Variants in XRRA1 observed in about 807,000 individuals in gnomAD.
The protein encoded by XRRA1 is X-ray radiation resistance associated 1.
In XRRA1, 69 loss-of-function variants were observed where a neutral mutation model predicts 80.2. The ratio of observed to expected loss-of-function variants is 0.86; its 90% CI spans 0.71 to 1.05. XRRA1 has a LOEUF of 1.05. XRRA1 is among the 50% of genes least tolerant of loss of function. XRRA1 has a pLI of 0.00. For missense variants in XRRA1, 967 were observed against 976.4 expected (o/e 0.99, Z 0.13); for synonymous variants, 348 against 389.9 (o/e 0.89, Z 1.27).
At chr11:74,918,694 G>A (rs1939649241) in intron 8 of XRRA1, 1 of 152,200 alleles carries the variant, frequency 6.6e-6, no homozygotes. Flanking sequence ...TAGGGGGCTG[G>A]AGCCATCTCC....
At chr11:74,923,441 T>C (rs1941423924) in intron 7 of XRRA1, among the ~76,000 whole-genome samples, 1 of 152,204 alleles carries the variant, frequency 6.6e-6, no homozygotes, top group South Asian at 2.1e-4. Context: ...GAAAGGTGCC[T>C]GAGATAAGCA....
At chr11:74,911,232 A>T (rs2055819860) in intron 8 of XRRA1, 1 of 152,124 alleles carries the variant, frequency 6.6e-6, no homozygotes, top group African/African-American at 2.4e-5. Context: ...ATTGGTCTGG[A>T]GCCCCACAGC....
At chr11:74,906,632 GATA>G (rs1759708761) in intron 9 of XRRA1, among the ~76,000 whole-genome samples, 176 bp from the exon 10 acceptor site, 1 of 152,124 alleles carries the variant, frequency 6.6e-6, no homozygotes. Context: ...CTAAAATGGG[GATA>G]ATATTTATTA....
Position 74,851,267 on chromosome 11 carries a change from G to T in XRRA1, c.1265-64C>A, listed in dbSNP as rs370996915. On this transcript the variant is annotated intron_variant, in intron 13 of 18. Transcript: ENST00000684022. ...AAATTTATACTGGGGCTTACTATGT[G>T]CCAGGCACTATTCAAATTGCTTTAC... is the stretch of plus-strand genomic sequence containing the variant. The T allele has an allele frequency of 7.2e-6, 9 of 1,243,032 alleles. No individual in the cohort carries two copies. In the African/African-American group the frequency reaches 1.1e-4, roughly 15 times the overall value. The allele number at this position is 1,243,032 out of a possible 1,614,324, so 77.0% of individuals were successfully genotyped here.
At chr11:74,901,072 A>G (rs2053493241) in intron 10 of XRRA1, among the ~76,000 whole-genome samples, 1 of 152,224 alleles carries the variant, frequency 6.6e-6, no homozygotes, top group East Asian at 1.9e-4. Flanking sequence ...CCACCAAAAA[A>G]TGATTAGAAC....
At chr11:74,870,510 T>C (rs1246368765) in intron 10 of XRRA1, among the ~76,000 whole-genome samples, 1 of 152,224 alleles carries the variant, frequency 6.6e-6, no homozygotes, top group Non-Finnish European at 1.5e-5. Context: ...GAAATAATCC[T>C]GTTAGATAGC....
At chr11:74,904,326 G>A (rs1320014079) in intron 10 of XRRA1, among the ~76,000 whole-genome samples, 6 of 152,120 alleles carry the variant, frequency 3.9e-5, no homozygotes, top group Admixed American at 2.0e-4. Context: ...TAGGGTAATA[G>A]CCAGGTGCAG....
At chr11:74,865,773 A>G (rs1591744985) in intron 10 of XRRA1, among the ~76,000 whole-genome samples, 2 of 152,188 alleles carry the variant, frequency 1.3e-5, no homozygotes, top group Non-Finnish European at 2.9e-5. Context: ...GGAGGAACAC[A>G]TATCTGGGCC....
In XRRA1 at chr11:74,841,901, T is replaced by C. The variant is rs1485386423; in HGVS notation, c.*1299A>G. 3.3e-5 allele frequency: 5 copies of C among 152,198 alleles called. No individual in the cohort carries two copies. The highest frequency in any genetic ancestry group is 9.7e-5 in the African/African-American group (4 of 41,436). The allele number at this position is 152,198 out of a possible 1,614,324, so 9.4% of individuals were successfully genotyped here. ...TGAGAGCATTGGGTTCAAGTTTGCA[T>C]CAAACATGGTATTACCAACGCTGAG... On this transcript the variant is annotated 3_prime_UTR_variant, in exon 19 of 19. Transcript: ENST00000684022.
rs781365922 is a variant in XRRA1, at chr11:74,845,179, C to T, written c.1821G>A (p.Val607=). ...TTGGGAGTTTCCTCCGAGTCCCTTTCACCTCTCTGGGTGCCGTTGGTGGTT... is the reference window on the plus strand; with the variant it reads ...TTGGGAGTTTCCTCCGAGTCCCTTTTACCTCTCTGGGTGCCGTTGGTGGTT... The part of the protein sequence containing the change: ...QKKPPTAPRE[V]KGTRRKLPTA... Residue 607 remains valine, a synonymous_variant, in exon 16 of 19, where the codon GTG becomes GTA. Coordinates refer to ENST00000684022, the MANE Select transcript of XRRA1 (RefSeq NM_001378157.1). The T allele has an allele frequency of 1.2e-6, 2 of 1,613,976 alleles. No individual in the cohort carries two copies. Among genetic ancestry groups the T allele is most frequent in the East Asian group, 2.2e-5 (1 of 44,896 alleles).
chr11:74,910,302 T>C (rs1229501060), intron 8 of XRRA1, among the ~76,000 whole-genome samples: 2 of 152,150 alleles, frequency 1.3e-5, no homozygotes, highest in Non-Finnish European at 2.9e-5. Flanking sequence ...ATTTGGAATA[T>C]AGTGACTAAA....
chr11:74,872,443 G>A (rs978877936), intron 10 of XRRA1, among the ~76,000 whole-genome samples: 26 of 152,250 alleles, frequency 1.7e-4, no homozygotes, highest in Admixed American at 3.9e-4. Flanking sequence ...ACCAGAAGGC[G>A]GCCCTGGAGA....
At chr11:74,934,978 C>T (rs1944579423) in intron 4 of XRRA1, among the ~76,000 whole-genome samples, 1 of 152,106 alleles carries the variant, frequency 6.6e-6, no homozygotes, top group Non-Finnish European at 1.5e-5. Flanking sequence ...TAAAGAACAC[C>T]AATGTTATTC....
chr11:74,880,910 G>C (rs1254829401), intron 10 of XRRA1, among the ~76,000 whole-genome samples: 1 of 150,180 alleles, frequency 6.7e-6, no homozygotes, highest in African/African-American at 2.4e-5. Flanking sequence ...AATAGGTGTG[G>C]TGTGGTGCTG....
rs1486492625 is a variant in XRRA1 at position 74,936,949 on chromosome 11, T to C, written c.214A>G (p.Lys72Glu). The C allele has an allele frequency of 6.2e-7, 1 of 1,613,868 alleles. No homozygotes were observed. ...TGATTTTCCCGCCGAGACTCTTTCT[T>C]CCCCTTGAACTCAAAAGAAGTCGCC... is the stretch of plus-strand genomic sequence containing the variant. The part of the protein sequence containing the change: ...LKATSFEFKG[K>E]KESRRENQVD... The change falls in exon 4 of 19, where the codon AAG becomes GAG. Residue 72 changes from lysine to glutamate, a missense_variant. Physicochemically the swap from Lys to Glu is moderately conservative, Grantham distance 56. Transcript: ENST00000684022.
chr11:74,857,557 GA>G (rs1194852702), intron 12 of XRRA1, among the ~76,000 whole-genome samples: 8 of 152,190 alleles, frequency 5.3e-5, no homozygotes, highest in African/African-American at 1.9e-4. Context: ...CTCAGTGATT[GA>G]TAGAACAACT....
At chr11:74,942,605 C>T (rs1331931265) in intron 2 of XRRA1, among the ~76,000 whole-genome samples, 2 of 152,220 alleles carry the variant, frequency 1.3e-5, no homozygotes, top group Non-Finnish European at 2.9e-5. Flanking sequence ...GACAGAGTCA[C>T]TACCAAGAAT....
chr11:74,843,891 G>A lies in XRRA1; in HGVS notation c.2112C>T (p.Arg704=), dbSNP rs1226046014. The A allele has an allele frequency of 1.2e-6, 2 of 1,612,998 alleles. No individual in the cohort carries two copies. Among genetic ancestry groups the A allele is most frequent in the South Asian group, 1.1e-5 (1 of 90,798 alleles). The change falls in exon 18 of 19, where the codon CGC becomes CGT. Residue 704 remains arginine, a synonymous_variant. Coordinates refer to ENST00000684022, the MANE Select transcript of XRRA1 (RefSeq NM_001378157.1). ...RAQLLDDIFI[R]LRDPRNITEA... ...CTGTAATGTTCCGGGGATCCCGCAA[G>A]CGAATGAAGATGTCATCCAGAAGTT...
intron 14 of XRRA1, among the ~76,000 whole-genome samples, chr11:74,849,812 T>A (rs2039314193): frequency 6.6e-6 from 1 of 152,208 alleles, no homozygotes; most frequent in Non-Finnish European, 1.5e-5. Context: ...CTCACACAGC[T>A]TCTTGGTTAC....
Sources: allele counts gnomAD v4.1 joint callset (sites outside exome capture counted in the v4.1 genomes callset), GRCh38; gene constraint gnomAD v4.1.1; transcripts MANE v1.5; gene names NCBI Gene and HGNC (gene_info 2026-07-23, HGNC 2026-07-21).